CCDC73: variants seen among roughly 807,000 people sequenced by gnomAD.
CCDC73 encodes coiled-coil domain containing 73.
A neutral mutation model predicts 116.5 loss-of-function variants in CCDC73; 95 were observed. The observed-to-expected ratio is 0.82, with a 90% CI of 0.69 to 0.97. The LOEUF is 0.97. Among genes scored for constraint, CCDC73 ranks in the 50% least tolerant of loss-of-function variants. The pLI, the probability that CCDC73 is intolerant of heterozygous loss-of-function variation, is 0.00. For synonymous variants in CCDC73, 398 were observed against 401.3 expected, an observed-to-expected ratio of 0.99 and a Z score of 0.10; for missense variants, 1,066 against 1,206.8, an observed-to-expected ratio of 0.88 and a Z score of 1.73.
rs1404723180 is a variant in CCDC73, at chr11:32,664,240, GT to G, written c.646-9269del. Among the ~76,000 whole-genome samples, 14 of 152,288 alleles carry G rather than the reference GT, an allele frequency of 9.2e-5. No individual in the cohort carries two copies. The South Asian group carries it at 2.9e-3, about 32-fold the overall frequency. On this transcript the variant is annotated intron_variant, in intron 9 of 17. Transcript: ENST00000335185. ...CCCTCTTTTTCTATTGATTGGAGTA[GT>G]TTCAGAAGGACTGGTACCAGCTCCT...
chr11:32,731,851 C>T (rs1235493278), intron 2 of CCDC73, among the ~76,000 whole-genome samples: 1 of 152,200 alleles, frequency 6.6e-6, no homozygotes, highest in Non-Finnish European at 1.5e-5. Flanking sequence ...AATAAGAGCA[C>T]CTCTTCTCCT....
intron 7 of CCDC73, chr11:32,682,396 C>T (rs1390351619): frequency 1.3e-5 from 2 of 151,806 alleles, no homozygotes; most frequent in Non-Finnish European, 2.9e-5. Context: ...TTTATTCTTT[C>T]CAGTTGAATA....
intron 12 of CCDC73, among the ~76,000 whole-genome samples, chr11:32,644,504 C>A (rs1236531587): frequency 1.3e-5 from 2 of 152,122 alleles, no homozygotes; most frequent in Non-Finnish European, 2.9e-5. Context: ...ATAAAATTTA[C>A]CATTTTAACC....
Position 32,780,767 on chromosome 11 carries a change from T to C in CCDC73, c.-16+13846A>G, listed in dbSNP as rs1343855710. 2.0e-5 allele frequency among the ~76,000 whole-genome samples: 3 copies of C among 152,308 alleles called. No individual in the cohort carries two copies. In the East Asian group the frequency reaches 5.8e-4, roughly 29 times the overall value. The stretch of plus-strand genomic sequence containing the variant: ...TAGTTCTCCAAACAACTTTATGAGA[T>C]GTTTACTGTTACCATTTTCATTTCT... On this transcript the variant is annotated intron_variant, in intron 1 of 17. Transcript: ENST00000335185.
At chr11:32,747,987 G>A (rs930386150) in intron 2 of CCDC73, among the ~76,000 whole-genome samples, 3 of 152,162 alleles carry the variant, frequency 2.0e-5, no homozygotes, top group Non-Finnish European at 2.9e-5. Flanking sequence ...GATAAACCAG[G>A]TATCTCAGTT....
chr11:32,767,107 T>C (rs1850449595), intron 1 of CCDC73, among the ~76,000 whole-genome samples: 1 of 152,340 alleles, frequency 6.6e-6, no homozygotes, highest in Admixed American at 6.5e-5. Flanking sequence ...AGCATGGTAC[T>C]GGTACCAAAA....
intron 2 of CCDC73, among the ~76,000 whole-genome samples, chr11:32,739,952 T>C (rs1850169207): frequency 1.3e-5 from 2 of 152,136 alleles, no homozygotes; most frequent in South Asian, 4.1e-4. Flanking sequence ...TATATGTTTG[T>C]CCTTCATTCT....
At chr11:32,676,487 A>G (rs1246466127) in intron 7 of CCDC73, among the ~76,000 whole-genome samples, 1 of 152,206 alleles carries the variant, frequency 6.6e-6, no homozygotes, top group Non-Finnish European at 1.5e-5. Flanking sequence ...AAATTCAAGT[A>G]ATTTTTCTGA....
chr11:32,761,446 A>G (rs1200970765), intron 1 of CCDC73, among the ~76,000 whole-genome samples: 2 of 152,158 alleles, frequency 1.3e-5, no homozygotes, highest in African/African-American at 4.8e-5. Flanking sequence ...TTAGAGATAA[A>G]CGCCCAAGAG....
chr11:32,748,929 T>C (rs968780900), intron 2 of CCDC73, among the ~76,000 whole-genome samples: 4 of 152,202 alleles, frequency 2.6e-5, no homozygotes, highest in African/African-American at 9.6e-5. Flanking sequence ...GAGCTCCATG[T>C]ATGTTATTTG....
intron 2 of CCDC73, among the ~76,000 whole-genome samples, chr11:32,735,815 T>A (rs191173378): frequency 6.6e-6 from 1 of 152,004 alleles, no homozygotes; most frequent in Non-Finnish European, 1.5e-5. Flanking sequence ...AACAGAGATA[T>A]AGACCAATGG....
At chr11:32,695,333 C>T (rs1488341947) in intron 6 of CCDC73, among the ~76,000 whole-genome samples, 2 of 150,784 alleles carry the variant, frequency 1.3e-5, no homozygotes, top group African/African-American at 4.9e-5. Context: ...CGCGCCACTG[C>T]ACTCCAGCCT....
At chr11:32,759,552 G>A (rs1034206263) in intron 2 of CCDC73, among the ~76,000 whole-genome samples, 6 of 151,836 alleles carry the variant, frequency 4.0e-5, no homozygotes, top group East Asian at 1.9e-4. Flanking sequence ...GGCTGGTCTC[G>A]AACTCCTGGC....
chr11:32,829,858 C>T, the CCDC73 span: 3 of 985,324 alleles, frequency 3.0e-6, no homozygotes, highest in Non-Finnish European at 3.6e-6. Context: ...GCCCGCTCGC[C>T]GCAGGTAGGC....
intron 7 of CCDC73, among the ~76,000 whole-genome samples, chr11:32,678,520 A>G (rs1036249235): frequency 6.6e-6 from 1 of 152,136 alleles, no homozygotes; most frequent in Non-Finnish European, 1.5e-5. Flanking sequence ...TCACAATAAA[A>G]TGATTGTTAT....
intron 14 of CCDC73, among the ~76,000 whole-genome samples, chr11:32,626,542 C>A (rs1427080567): frequency 4.5e-4 from 69 of 152,236 alleles, no homozygotes; most frequent in South Asian, 2.1e-4. Context: ...CAAAAGAACA[C>A]AGGTGGAGGC....
chr11:32,628,676 G>GT (rs1855598774), intron 14 of CCDC73, among the ~76,000 whole-genome samples: 1 of 152,198 alleles, frequency 6.6e-6, no homozygotes, highest in South Asian at 2.1e-4. Context: ...TTATCAGCAA[G>GT]TAACTTAACC....
intron 2 of CCDC73, among the ~76,000 whole-genome samples, chr11:32,720,283 G>C (rs911540612): frequency 6.6e-6 from 1 of 152,010 alleles, no homozygotes; most frequent in Non-Finnish European, 1.5e-5. Context: ...TCATATGATC[G>C]CATCAACCAA....
chr11:32,827,285 C>G, the CCDC73 span, among the ~76,000 whole-genome samples: 1 of 152,178 alleles, frequency 6.6e-6, no homozygotes, highest in Non-Finnish European at 1.5e-5. Flanking sequence ...TCTCTCTTTG[C>G]CATCTAACCT....
Sources: allele counts gnomAD v4.1 joint callset (sites outside exome capture counted in the v4.1 genomes callset), GRCh38; gene constraint gnomAD v4.1.1; transcripts MANE v1.5; gene names NCBI Gene and HGNC (gene_info 2026-07-23, HGNC 2026-07-21).